PDZD2: variants seen among roughly 807,000 people sequenced by gnomAD.
PDZD2 encodes PDZ domain-containing protein 2.
Under a neutral mutation model 220.7 loss-of-function variants are expected in PDZD2, and 90 were observed. The ratio of observed to expected loss-of-function variants is 0.41; its 90% CI spans 0.34 to 0.49. The LOEUF is 0.49. Among genes scored for constraint, PDZD2 ranks in the 20% least tolerant of loss-of-function variants. PDZD2 has a pLI of 0.28. For synonymous variants in PDZD2, 1,375 were observed against 1,450.5 expected (o/e 0.95, Z 1.18); for missense variants, 3,174 against 3,608.5 (o/e 0.88, Z 3.08).
At chr5:31,721,741 C>CAG (rs553411364) in intron 1 of PDZD2, among the ~76,000 whole-genome samples, 25 of 147,972 alleles carry the variant, frequency 1.7e-4, no homozygotes, top group African/African-American at 5.7e-4. Flanking sequence ...TTAGCTGTCT[C>CAG]AAAAAAAAAA....
intron 24 of PDZD2, among the ~76,000 whole-genome samples, chr5:32,106,776 T>C (rs1744803477): frequency 6.6e-6 from 1 of 152,174 alleles, no homozygotes; most frequent in Non-Finnish European, 1.5e-5. Context: ...AACACAAATA[T>C]AATTGGTTCT....
At chr5:32,002,677 A>AC (rs1752259773) in intron 5 of PDZD2, among the ~76,000 whole-genome samples, 1 of 133,346 alleles carries the variant, frequency 7.5e-6, no homozygotes, top group Non-Finnish European at 1.6e-5. Flanking sequence ...CACCACACAC[A>AC]CACCAACACA....
At chr5:31,892,147 C>T (rs1741106384) in intron 2 of PDZD2, among the ~76,000 whole-genome samples, 1 of 151,648 alleles carries the variant, frequency 6.6e-6, no homozygotes, top group Non-Finnish European at 1.5e-5. Flanking sequence ...GGGGTTCAAG[C>T]ATTTCTCCTG....
chr5:31,916,231 G>T (rs770394790), intron 2 of PDZD2, among the ~76,000 whole-genome samples: 1 of 152,204 alleles, frequency 6.6e-6, no homozygotes, highest in Non-Finnish European at 1.5e-5. Flanking sequence ...TGTCTGTGTT[G>T]GTGGCTTTGG....
intron 2 of PDZD2, among the ~76,000 whole-genome samples, chr5:31,882,864 G>A (rs759269340): frequency 1.6e-4 from 24 of 151,644 alleles, no homozygotes; most frequent in Non-Finnish European, 2.9e-4. Context: ...GCCAGTCTCC[G>A]CTAAAAATAA....
chr5:31,957,230 G>T (rs1374253423), intron 2 of PDZD2, among the ~76,000 whole-genome samples: 1 of 152,158 alleles, frequency 6.6e-6, no homozygotes, highest in Admixed American at 6.5e-5. Flanking sequence ...AATAATCTCT[G>T]CAGTGTGTTT....
At chr5:31,922,250 G>T (rs1161530150) in intron 2 of PDZD2, among the ~76,000 whole-genome samples, 4 of 152,208 alleles carry the variant, frequency 2.6e-5, no homozygotes, top group Non-Finnish European at 5.9e-5. Flanking sequence ...AATTCCAAGA[G>T]AGGATTCTTC....
rs1742933984 is a variant in PDZD2, at chr5:32,089,981, T to A, written c.6533T>A (p.Ile2178Asn). 3 of 1,602,978 alleles carry A rather than the reference T, an allele frequency of 1.9e-6. No homozygotes were observed. The highest frequency in any genetic ancestry group is 2.6e-6 in the Non-Finnish European group (3 of 1,174,548). Residue 2178 changes from isoleucine (I) to asparagine (N), a missense_variant, in exon 20 of 25, where the codon ATT (isoleucine) becomes AAT (asparagine). Transcript: ENST00000438447. Reference sequence around the variant, plus strand: ...TCCTCCTCCTCCCTTCAAACAGCCATTAGAAAGGCAGAATACTCCCAGGGA... The same window carrying A: ...TCCTCCTCCTCCCTTCAAACAGCCAATAGAAAGGCAGAATACTCCCAGGGA... ...ASSSSSLQTA[I>N]RKAEYSQGKS...
At chr5:32,002,755 ACCCCACACAC>A (rs1561312742) in intron 5 of PDZD2, among the ~76,000 whole-genome samples, 460 of 24,710 alleles carry the variant, frequency 0.019, 50 homozygotes, top group South Asian at 0.093. Flanking sequence ...CAACACACAC[ACCCCACACAC>A]CACACACACC....
intron 1 of PDZD2, among the ~76,000 whole-genome samples, chr5:31,671,943 A>C (rs958922979): frequency 1.3e-5 from 2 of 152,130 alleles, no homozygotes; most frequent in Middle Eastern, 6.3e-3. Context: ...TCTCTCCTGG[A>C]TGTTTTCACC....
intron 1 of PDZD2, among the ~76,000 whole-genome samples, chr5:31,767,555 G>A (rs749752006): frequency 2.6e-5 from 4 of 152,216 alleles, no homozygotes; most frequent in Non-Finnish European, 5.9e-5. Context: ...TTTCAAACCA[G>A]ATGACTCATA....
intron 1 of PDZD2, among the ~76,000 whole-genome samples, chr5:31,794,399 T>C (rs920357097): frequency 6.9e-5 from 10 of 144,244 alleles, no homozygotes; most frequent in South Asian, 4.5e-4. Context: ...CTTTCTTTTT[T>C]TTTTTTTTTT....
chr5:31,640,040 CTG>C (rs1276515534), intron 1 of PDZD2, among the ~76,000 whole-genome samples: 2 of 152,174 alleles, frequency 1.3e-5, no homozygotes. Flanking sequence ...TGCTCTCTCT[CTG>C]AAGTCGAGTT....
rs749714803 is a variant in PDZD2, at chr5:32,089,164, G to A, written c.5716G>A (p.Val1906Met). The A allele has an allele frequency of 1.9e-6, 3 of 1,614,044 alleles. No individual in the cohort carries two copies. Among genetic ancestry groups the A allele is most frequent in the African/African-American group, 2.7e-5 (2 of 74,928 alleles). The change falls in exon 20 of 25, where the codon GTG becomes ATG. Residue 1906 changes from valine to methionine, a missense_variant. Val to Met is a conservative substitution (Grantham distance 21). Transcript: ENST00000438447. Reference protein sequence around the residue: ...VNSEAPAANAVKAGGTDHRKP... With the variant: ...VNSEAPAANAMKAGGTDHRKP... ...CTCTGAGGCCCCTGCTGCGAATGCT[G>A]TGAAGGCTGGGGGGACGGACCACAG...
chr5:31,842,005 G>A (rs1472342687), intron 2 of PDZD2, among the ~76,000 whole-genome samples: 1 of 151,880 alleles, frequency 6.6e-6, no homozygotes, highest in Middle Eastern at 3.4e-3. Flanking sequence ...CTCCTAAGGC[G>A]ATGAAAGATT....
intron 1 of PDZD2, among the ~76,000 whole-genome samples, chr5:31,732,277 A>G (rs1209159502): frequency 6.6e-6 from 1 of 152,144 alleles, no homozygotes; most frequent in Non-Finnish European, 1.5e-5. Flanking sequence ...AGGTGGGGTA[A>G]GAGTTTGTAA....
At chr5:31,649,808 C>T (rs778117766) in intron 1 of PDZD2, among the ~76,000 whole-genome samples, 7 of 151,634 alleles carry the variant, frequency 4.6e-5, no homozygotes, top group Non-Finnish European at 1.0e-4. Context: ...CATGGTGGCG[C>T]GCGCCTATAG....
Position 32,022,894 on chromosome 5 carries a change from C to T in PDZD2, c.1407+12412C>T, listed in dbSNP as rs965768354. Among the ~76,000 whole-genome samples, 14 of 152,142 alleles carry T rather than the reference C, an allele frequency of 9.2e-5. No individual in the cohort carries two copies. The East Asian group carries it at 2.5e-3, about 27-fold the overall frequency. ...AGAGTTTTTAAGATTACTCAAGCAG[C>T]GTGGCAGAGGAGGAGTGGGATTGAA... On this transcript the variant is annotated intron_variant, in intron 6 of 24. Coordinates refer to ENST00000438447, the MANE Select transcript of PDZD2 (RefSeq NM_178140.4).
intron 1 of PDZD2, among the ~76,000 whole-genome samples, chr5:31,660,203 C>T (rs1344734323): frequency 6.6e-6 from 1 of 152,172 alleles, no homozygotes; most frequent in Non-Finnish European, 1.5e-5. Context: ...TAGAAAGGAG[C>T]AATTCTTTGA....
Sources: gnomAD v4.1 joint callset for allele counts (sites outside exome capture counted in the v4.1 genomes callset) on GRCh38, gnomAD v4.1.1 for gene constraint, MANE v1.5 for transcripts, NCBI Gene and HGNC (gene_info 2026-07-23, HGNC 2026-07-21) for gene names.